CREBL2: variants seen among roughly 807,000 people sequenced by gnomAD.
CREBL2 encodes cAMP-responsive element-binding protein-like 2.
A neutral mutation model predicts 19.5 loss-of-function variants in CREBL2; 4 were observed. The ratio of observed to expected loss-of-function variants is 0.20; its 90% CI spans 0.10 to 0.47. The LOEUF is 0.47. CREBL2 is among the 20% of genes least tolerant of loss of function. The probability of loss-of-function intolerance (pLI) is 0.98; values close to 1 mark genes in which losing one functional copy is unlikely to be tolerated. For synonymous variants in CREBL2, 42 were observed against 46.6 expected (o/e 0.90, Z 0.40); for missense variants, 85 against 145.1 (o/e 0.59, Z 2.13).
At chr12:12,613,342 T>C (rs1945282386) in intron 1 of CREBL2, among the ~76,000 whole-genome samples, 2 of 152,342 alleles carry the variant, frequency 1.3e-5, no homozygotes, top group Middle Eastern at 3.4e-3. Context: ...AAACCGTCCT[T>C]CTTTGTGCTT....
intron 3 of CREBL2, among the ~76,000 whole-genome samples, chr12:12,639,021 G>T (rs1483180769): frequency 6.6e-6 from 1 of 151,996 alleles, no homozygotes; most frequent in Admixed American, 6.6e-5. Context: ...TGTCTCTATG[G>T]ATTTACCTAT....
intron 3 of CREBL2, among the ~76,000 whole-genome samples, chr12:12,639,035 G>A (rs1243459404): frequency 1.3e-5 from 2 of 152,044 alleles, no homozygotes; most frequent in Non-Finnish European, 2.9e-5. Flanking sequence ...TACCTATTCT[G>A]TATATTAATA....
chr12:12,637,264 C>T (rs1410814040), intron 2 of CREBL2, among the ~76,000 whole-genome samples: 1 of 151,872 alleles, frequency 6.6e-6, no homozygotes, highest in Non-Finnish European at 1.5e-5. Context: ...TAACTAGTGG[C>T]ACACTGTGGG....
At chr12:12,631,849 G>A (rs1945444397) in intron 1 of CREBL2, among the ~76,000 whole-genome samples, 1 of 151,446 alleles carries the variant, frequency 6.6e-6, no homozygotes, top group Non-Finnish European at 1.5e-5. Context: ...TCTTTATAAA[G>A]TAGTCTCATA....
intron 1 of CREBL2, among the ~76,000 whole-genome samples, chr12:12,631,693 C>T (rs1455476503): frequency 6.6e-6 from 1 of 152,140 alleles, no homozygotes; most frequent in East Asian, 1.9e-4. Context: ...TAATTAACGC[C>T]CCCTATCTGT....
At position 12,612,125 on chromosome 12, in the gene CREBL2, G is replaced by GGA. The variant is rs777967013; in HGVS notation, c.-46_-45dup. The GGA allele has an allele frequency of 5.0e-6, 8 of 1,607,204 alleles. No individual in the cohort carries two copies. Among genetic ancestry groups the GGA allele is most frequent in the African/African-American group, 1.3e-5 (1 of 74,892 alleles). ...GCCGGGCCAGGCCGGCTGAGCCGGG[G>GGA]GAGGGCTCCGGGAGGGAGTGCCTGG... On this transcript the variant is annotated 5_prime_UTR_variant, in exon 1 of 4. Coordinates refer to ENST00000228865, the MANE Select transcript of CREBL2 (RefSeq NM_001310.4).
intron 1 of CREBL2, among the ~76,000 whole-genome samples, chr12:12,617,643 CTTTTTTTTTTTTTTTTTTTTTTTTTTTTT>C (rs66943066): frequency 2.6e-5 from 1 of 38,716 alleles, no homozygotes; most frequent in African/African-American, 8.2e-5. Flanking sequence ...TTTAGTAATT[CTTTTTTTTTTTTTTTTTTTTTTTTTTTTT>C]TTTTTTTTTA....
At chr12:12,637,537 T>G in intron 2 of CREBL2, 33 bp from the exon 3 acceptor site, 3 of 1,233,638 alleles carry the variant, frequency 2.4e-6, no homozygotes, top group Non-Finnish European at 3.1e-6. Context: ...TGTTTTAAAT[T>G]TATATTTATA....
intron 1 of CREBL2, among the ~76,000 whole-genome samples, chr12:12,618,963 G>A (rs1271991604): frequency 1.3e-5 from 2 of 152,196 alleles, no homozygotes; most frequent in Admixed American, 1.3e-4. Flanking sequence ...CAGGCAGGGA[G>A]GTTGCAGTGA....
chr12:12,627,616 A>G (rs551012995), intron 1 of CREBL2, among the ~76,000 whole-genome samples: 134 of 152,334 alleles, frequency 8.8e-4, no homozygotes, highest in African/African-American at 2.8e-3. Context: ...TTTGTTATCT[A>G]TTCATCAGTT....
chr12:12,614,468 T>G (rs1945293038), intron 1 of CREBL2: 1 of 45,152 alleles, frequency 2.2e-5, no homozygotes, highest in South Asian at 7.9e-4. Flanking sequence ...TTTAGTTTCC[T>G]TTTTTTTTTT....
chr12:12,614,734 A>C, intron 1 of CREBL2: 3 of 322,166 alleles, frequency 9.3e-6, no homozygotes, highest in South Asian at 8.1e-5. Flanking sequence ...TAATATGCTC[A>C]ATATACACAT....
chr12:12,625,576 A>C (rs1463671090), intron 1 of CREBL2, among the ~76,000 whole-genome samples: 1 of 152,190 alleles, frequency 6.6e-6, no homozygotes, highest in Non-Finnish European at 1.5e-5. Context: ...TGAGATGTGG[A>C]TGGTAATAGG....
chr12:12,618,194 C>T (rs1310378074), intron 1 of CREBL2, among the ~76,000 whole-genome samples: 2 of 150,892 alleles, frequency 1.3e-5, no homozygotes, highest in African/African-American at 5.0e-5. Context: ...ACCTCCCAGA[C>T]GGGGCGGCTG....
chr12:12,617,592 T>C (rs2136299182), intron 1 of CREBL2, among the ~76,000 whole-genome samples: 1 of 150,408 alleles, frequency 6.6e-6, no homozygotes, highest in Non-Finnish European at 1.5e-5. Context: ...CAGTGATTCC[T>C]TGTGCTTTAC....
intron 1 of CREBL2, among the ~76,000 whole-genome samples, chr12:12,628,448 C>T (rs1172759196): frequency 6.6e-6 from 1 of 152,090 alleles, no homozygotes; most frequent in Non-Finnish European, 1.5e-5. Flanking sequence ...TATTTTCTCC[C>T]ATTCTGTGGG....
chr12:12,633,214 G>C (rs750132149), intron 1 of CREBL2, among the ~76,000 whole-genome samples: 13 of 152,110 alleles, frequency 8.5e-5, no homozygotes, highest in Non-Finnish European at 1.5e-4. Flanking sequence ...TGGGATTACA[G>C]GTGTGAGCCA....
Position 12,645,009 on chromosome 12 carries a change from G to C in CREBL2, c.*3011G>C, listed in dbSNP as rs188661682. On this transcript the variant is annotated 3_prime_UTR_variant, in exon 4 of 4. Coordinates refer to ENST00000228865, the MANE Select transcript of CREBL2 (RefSeq NM_001310.4). ...GCCTGCTTTCTCATCTGTAAAAAAG[G>C]GGGGAGGATAACTTTCACAGGGTAA... 1.6e-4 allele frequency: 24 copies of C among 152,312 alleles called. No homozygotes were observed. Among genetic ancestry groups the C allele is most frequent in the Admixed American group, 4.6e-4 (7 of 15,302 alleles). 9.4% of individuals were successfully genotyped at this position (152,312 alleles called of 1,614,324 possible).
At chr12:12,641,879 A>G (rs1848788415) in intron 3 of CREBL2, 115 bp from the exon 4 acceptor site, 2 of 504,542 alleles carry the variant, frequency 4.0e-6, no homozygotes, top group Non-Finnish European at 6.8e-6. Flanking sequence ...ATTTTTAAAA[A>G]TTAGCCTTAC....
Sources: gnomAD v4.1 joint callset for allele counts (sites outside exome capture counted in the v4.1 genomes callset) on GRCh38, gnomAD v4.1.1 for gene constraint, MANE v1.5 for transcripts, NCBI Gene and HGNC (gene_info 2026-07-23, HGNC 2026-07-21) for gene names.